AKAP10: variants seen among roughly 807,000 people sequenced by gnomAD.
AKAP10 encodes the protein A-kinase anchoring protein 10, also known as A-kinase anchor protein 10, mitochondrial.
AKAP10 carries 24 observed loss-of-function variants against 80.8 expected under a neutral mutation model. The observed-to-expected ratio is 0.30, with a 90% confidence interval of 0.22 to 0.42. The LOEUF is 0.42. Ranked by LOEUF, AKAP10 falls within the 10% of genes least tolerant of loss-of-function variation. The pLI, the probability that AKAP10 is intolerant of heterozygous loss-of-function variation, is 1.00. For synonymous variants in AKAP10, 291 were observed against 277.7 expected, an observed-to-expected ratio of 1.05 and a Z score of -0.48; for missense variants, 661 against 794.9, an observed-to-expected ratio of 0.83 and a Z score of 2.03.
chr17:19,940,651 C>T (rs547658419), intron 7 of AKAP10, among the ~76,000 whole-genome samples: 22 of 152,324 alleles, frequency 1.4e-4, no homozygotes, highest in African/African-American at 4.6e-4. Context: ...CACTCTCTTA[C>T]ATGCAGTAGT....
intron 8 of AKAP10, among the ~76,000 whole-genome samples, chr17:19,937,858 T>C (rs1183513866): frequency 2.0e-5 from 3 of 152,162 alleles, no homozygotes; most frequent in Non-Finnish European, 4.4e-5. Flanking sequence ...AAAATTAGAC[T>C]ACATCCCTAA....
chr17:19,953,249 C>CTTT (rs1371680283), intron 4 of AKAP10, among the ~76,000 whole-genome samples: 2 of 151,470 alleles, frequency 1.3e-5, no homozygotes, highest in East Asian at 3.9e-4. Context: ...GGGGGTGTAA[C>CTTT]TAAAGCAGTG....
chr17:19,950,744 T>C (rs1160099733), intron 4 of AKAP10, among the ~76,000 whole-genome samples: 1 of 151,808 alleles, frequency 6.6e-6, no homozygotes, highest in East Asian at 2.0e-4. Flanking sequence ...GTCCGGGAAG[T>C]GAGGAGCGTC....
intron 10 of AKAP10, among the ~76,000 whole-genome samples, chr17:19,928,105 A>G (rs1207098774): frequency 2.0e-5 from 3 of 151,846 alleles, no homozygotes; most frequent in African/African-American, 4.8e-5. Flanking sequence ...CTGAAATGTA[A>G]TCCCAGCTAC....
intron 9 of AKAP10, among the ~76,000 whole-genome samples, chr17:19,935,280 A>G (rs139445374): frequency 6.6e-6 from 1 of 152,280 alleles, no homozygotes; most frequent in East Asian, 1.9e-4. Context: ...TATAAAAGAT[A>G]AAAAATGGTA....
chr17:19,936,214 T>C, intron 9 of AKAP10, 72 bp downstream of exon 9: 1 of 1,514,694 alleles, frequency 6.6e-7, no homozygotes, highest in African/African-American at 1.4e-5. Flanking sequence ...TGCTTGGTTT[T>C]CCCACCTTAT....
At chr17:19,934,401 G>A (rs1263130528) in intron 9 of AKAP10, among the ~76,000 whole-genome samples, 1 of 152,182 alleles carries the variant, frequency 6.6e-6, no homozygotes, top group East Asian at 1.9e-4. Flanking sequence ...AGGCTGGAGT[G>A]CAGGGGCATG....
chr17:19,909,993 C>T lies in AKAP10; in HGVS notation c.1835-15G>A. On this transcript the variant is annotated splice_polypyrimidine_tract_variant and intron_variant, in intron 12 of 14. Coordinates refer to ENST00000225737, the MANE Select transcript of AKAP10 (RefSeq NM_007202.4). ...GAACATGGATCCTAGTAAACAAAGA[C>T]AAAATTGAATGTACATTTCATGCAT... 1.9e-6 allele frequency: 3 copies of T among 1,612,180 alleles called. No individual in the cohort carries two copies. The highest frequency in any genetic ancestry group is 2.5e-6 in the Non-Finnish European group (3 of 1,178,828).
chr17:19,936,248 ACTT>A (rs776801240), intron 9 of AKAP10, 35 bp downstream of exon 9: 1 of 1,585,570 alleles, frequency 6.3e-7, no homozygotes, highest in Non-Finnish European at 8.6e-7. Flanking sequence ...TACCAATAAA[ACTT>A]CTTGTAGTTT....
chr17:19,909,232 A>T lies in AKAP10; in HGVS notation c.1932T>A (p.Ser644Arg), dbSNP rs1485149600. Residue 644 changes from serine to arginine, a missense_variant, in exon 14 of 15, where the codon AGT becomes AGA. Coordinates refer to ENST00000225737, the MANE Select transcript of AKAP10 (RefSeq NM_007202.4). ...CATACTGAGCCTGCTGCATAATGTC[A>T]CTGACTATCATTTTAGCAATCTTCC... is the stretch of plus-strand genomic sequence containing the variant. ...LAWKIAKMIV[S>R]DIMQQAQYDQ... 4 of 1,613,588 alleles carry T rather than the reference A, an allele frequency of 2.5e-6. No individual in the cohort carries two copies. The highest frequency in any genetic ancestry group is 3.4e-6 in the Non-Finnish European group (4 of 1,179,946).
intron 4 of AKAP10, among the ~76,000 whole-genome samples, chr17:19,957,165 C>CA (rs2043286907): frequency 6.6e-6 from 1 of 152,050 alleles, no homozygotes; most frequent in Admixed American, 6.6e-5. Context: ...GTGCTCTTGT[C>CA]AAAATGCTTC....
intron 6 of AKAP10, 63 bp downstream of exon 6, chr17:19,941,763 C>G: frequency 7.9e-7 from 1 of 1,266,252 alleles, no homozygotes; most frequent in South Asian, 1.9e-5. Context: ...TGAGTGAAGC[C>G]CATTCCTAAC....
intron 10 of AKAP10, among the ~76,000 whole-genome samples, chr17:19,928,289 CA>C (rs2042895986): frequency 6.6e-6 from 1 of 151,840 alleles, no homozygotes; most frequent in South Asian, 2.1e-4. Flanking sequence ...AACATTTTTC[CA>C]AAGCTAGAAC....
intron 12 of AKAP10, among the ~76,000 whole-genome samples, chr17:19,918,578 C>T (rs2042775776): frequency 6.6e-6 from 1 of 152,134 alleles, no homozygotes; most frequent in South Asian, 2.1e-4. Context: ...CTCCAGCTTC[C>T]CAAAGTGCTA....
At chr17:19,969,802 A>G (rs2043471597) in intron 1 of AKAP10, among the ~76,000 whole-genome samples, 1 of 152,154 alleles carries the variant, frequency 6.6e-6, no homozygotes, top group Non-Finnish European at 1.5e-5. Flanking sequence ...GGAGACTAAC[A>G]TGAAAAAAAT....
intron 12 of AKAP10, among the ~76,000 whole-genome samples, chr17:19,911,695 C>A (rs377671993): frequency 6.6e-6 from 1 of 151,284 alleles, no homozygotes; most frequent in East Asian, 2.0e-4. Context: ...ATTAGCCAGG[C>A]GTGGTGGTGC....
At chr17:19,961,974 G>T (rs549742217) in intron 3 of AKAP10, among the ~76,000 whole-genome samples, 96 of 152,040 alleles carry the variant, frequency 6.3e-4, no homozygotes, top group Non-Finnish European at 1.1e-3. Flanking sequence ...AAATTATCTG[G>T]GTGTGGTGAC....
Position 19,957,994 on chromosome 17 carries a change from C to A in AKAP10, c.877+20G>T, listed in dbSNP as rs1399225841. On this transcript the variant is annotated intron_variant, in intron 4 of 14. Transcript: ENST00000225737. ...AGAAAGTGAGACACATATGTACACA[C>A]AAGAAAATCACATACTCACTTTTCA... 5.3e-5 allele frequency: 85 copies of A among 1,591,804 alleles called. No individual in the cohort carries two copies. The highest frequency in any genetic ancestry group is 7.3e-5 in the Non-Finnish European group (85 of 1,167,628).
intron 5 of AKAP10, among the ~76,000 whole-genome samples, chr17:19,944,494 CA>C (rs1051200944): frequency 3.8e-4 from 56 of 146,000 alleles, no homozygotes; most frequent in South Asian, 4.3e-4. Context: ...TACTAAAATA[CA>C]AAAAAAAAAA....
Sources: allele counts gnomAD v4.1 joint callset (sites outside exome capture counted in the v4.1 genomes callset), GRCh38; gene constraint gnomAD v4.1.1; transcripts MANE v1.5; gene names NCBI Gene and HGNC (gene_info 2026-07-23, HGNC 2026-07-21).